SEMA6D: variants seen among roughly 807,000 people sequenced by gnomAD.
SEMA6D encodes semaphorin-6D.
A neutral mutation model predicts 106.6 loss-of-function variants in SEMA6D; 35 were observed. The ratio of observed to expected loss-of-function variants is 0.33; its 90% CI spans 0.25 to 0.44. SEMA6D has a LOEUF of 0.44. SEMA6D is among the 20% of genes least tolerant of loss of function. SEMA6D has a pLI of 1.00. For synonymous variants in SEMA6D, 499 were observed against 487.7 expected (o/e 1.02, Z -0.31); for missense variants, 1,185 against 1,345.9 (o/e 0.88, Z 1.87).
At chr15:47,758,198 C>T (rs2081866189) in intron 1 of SEMA6D, among the ~76,000 whole-genome samples, 1 of 152,160 alleles carries the variant, frequency 6.6e-6, no homozygotes, top group Non-Finnish European at 1.5e-5. Context: ...GACTCTAAAA[C>T]TCACATATAC....
intron 4 of SEMA6D, among the ~76,000 whole-genome samples, chr15:47,677,386 G>A (rs1233716845): frequency 6.6e-6 from 1 of 152,130 alleles, no homozygotes; most frequent in African/African-American, 2.4e-5. Context: ...AAGAGACCCA[G>A]GGAGAAGCTG....
intron 1 of SEMA6D, among the ~76,000 whole-genome samples, chr15:47,286,543 A>C (rs1027907408): frequency 3.3e-5 from 5 of 152,070 alleles, no homozygotes; most frequent in African/African-American, 1.2e-4. Flanking sequence ...TTTTTTTTGC[A>C]AATTTCTTTC....
At chr15:47,237,246 C>G (rs1430125355) in intron 1 of SEMA6D, among the ~76,000 whole-genome samples, 2 of 152,086 alleles carry the variant, frequency 1.3e-5, no homozygotes, top group East Asian at 1.9e-4. Context: ...TTAATAAGTT[C>G]TATTACAGGT....
At chr15:47,354,066 C>CAT (rs1374113999) in intron 1 of SEMA6D, among the ~76,000 whole-genome samples, 7 of 150,278 alleles carry the variant, frequency 4.7e-5, no homozygotes, top group African/African-American at 1.2e-4. Flanking sequence ...TCTCTCTCTA[C>CAT]ATATATATAT....
At chr15:47,673,050 G>C (rs1194535353) in intron 4 of SEMA6D, among the ~76,000 whole-genome samples, 2 of 151,896 alleles carry the variant, frequency 1.3e-5, no homozygotes, top group Non-Finnish European at 2.9e-5. Context: ...GACCATTTTC[G>C]TGGGTTTCAT....
intron 4 of SEMA6D, among the ~76,000 whole-genome samples, chr15:47,710,957 T>A (rs1370430073): frequency 6.6e-6 from 1 of 152,184 alleles, no homozygotes; most frequent in Admixed American, 6.5e-5. Flanking sequence ...AATCAGATAA[T>A]GTTTAAATCT....
intron 4 of SEMA6D, among the ~76,000 whole-genome samples, chr15:47,610,297 C>A (rs187219177): frequency 6.6e-6 from 1 of 152,302 alleles, no homozygotes; most frequent in Non-Finnish European, 1.5e-5. Context: ...AGGGTGAGTT[C>A]TTCCCAGAAA....
intron 3 of SEMA6D, among the ~76,000 whole-genome samples, chr15:47,497,293 A>G (rs1317183992): frequency 1.3e-5 from 2 of 151,806 alleles, no homozygotes; most frequent in Admixed American, 1.3e-4. Flanking sequence ...GTTGTCCTCA[A>G]CACCAAACAA....
chr15:47,351,214 A>G (rs948454574), intron 1 of SEMA6D, among the ~76,000 whole-genome samples: 2 of 152,130 alleles, frequency 1.3e-5, no homozygotes, highest in African/African-American at 2.4e-5. Context: ...TCAAATGTCA[A>G]AATTCTTTGA....
At chr15:47,552,887 TATAA>T (rs2045788984) in intron 3 of SEMA6D, among the ~76,000 whole-genome samples, 1 of 15,584 alleles carries the variant, frequency 6.4e-5, no homozygotes, top group Non-Finnish European at 1.3e-4. Context: ...TATAAATATA[TATAA>T]ATATATATAT....
At chr15:47,222,667 T>C (rs1024241525) in intron 1 of SEMA6D, among the ~76,000 whole-genome samples, 2 of 152,196 alleles carry the variant, frequency 1.3e-5, no homozygotes, top group African/African-American at 4.8e-5. Context: ...ACTGGAAATA[T>C]GATTTAGTCC....
chr15:47,497,533 A>G (rs952708745), intron 3 of SEMA6D, among the ~76,000 whole-genome samples: 1 of 151,644 alleles, frequency 6.6e-6, no homozygotes, highest in Non-Finnish European at 1.5e-5. Flanking sequence ...GACTGCCTCT[A>G]CTCCCATAGA....
chr15:47,628,635 T>C (rs1283455925), intron 4 of SEMA6D, among the ~76,000 whole-genome samples: 2 of 152,152 alleles, frequency 1.3e-5, no homozygotes, highest in Non-Finnish European at 2.9e-5. Context: ...ATTTTTAATA[T>C]GTTCTAGATG....
chr15:47,199,714 G>A (rs996500), intron 1 of SEMA6D, among the ~76,000 whole-genome samples: 4,981 of 152,050 alleles, frequency 0.033, 162 homozygotes, highest in African/African-American at 0.074. Context: ...AAGAAAACTT[G>A]CTAAACTAAA....
At chr15:47,723,255 A>C (rs2079528971) in intron 1 of SEMA6D, among the ~76,000 whole-genome samples, 1 of 152,166 alleles carries the variant, frequency 6.6e-6, no homozygotes, top group East Asian at 1.9e-4. Context: ...CATTGGCCGT[A>C]TAATTATTAC....
intron 3 of SEMA6D, among the ~76,000 whole-genome samples, chr15:47,560,255 C>T (rs1388182743): frequency 6.6e-6 from 1 of 151,866 alleles, no homozygotes. Context: ...GCAGAAAAGA[C>T]TTCAAAGCAG....
chr15:47,197,378 A>G (rs143681038), intron 1 of SEMA6D, among the ~76,000 whole-genome samples: 2,027 of 152,322 alleles, frequency 0.013, 18 homozygotes, highest in Non-Finnish European at 0.024. Flanking sequence ...AGAGTAGAAA[A>G]TCAGAAGAAC....
At chr15:47,314,425 C>T (rs1240136944) in intron 1 of SEMA6D, among the ~76,000 whole-genome samples, 21 of 149,876 alleles carry the variant, frequency 1.4e-4, no homozygotes, top group Non-Finnish European at 1.5e-4. Flanking sequence ...GGTGAAACCC[C>T]GTCTCTACTA....
intron 1 of SEMA6D, among the ~76,000 whole-genome samples, chr15:47,218,818 C>T (rs1006188289): frequency 6.6e-6 from 1 of 152,204 alleles, no homozygotes; most frequent in Admixed American, 6.5e-5. Flanking sequence ...ATATTCTTCT[C>T]TCCATCTTGG....
Sources: allele counts gnomAD v4.1 joint callset (sites outside exome capture counted in the v4.1 genomes callset), GRCh38; gene constraint gnomAD v4.1.1; transcripts MANE v1.5; gene names NCBI Gene and HGNC (gene_info 2026-07-23, HGNC 2026-07-21).